Variants in MYO1D observed in about 807,000 individuals in gnomAD.
MYO1D encodes the protein unconventional myosin-Id.
In MYO1D, 83 loss-of-function variants were observed where a neutral mutation model predicts 122.0. The ratio of observed to expected loss-of-function variants is 0.68; its 90% CI spans 0.57 to 0.82. The LOEUF (loss-of-function observed/expected upper bound fraction) is 0.82, where lower values mean the gene tolerates loss of function less well. Among genes scored for constraint, MYO1D ranks in the 40% least tolerant of loss-of-function variants. The pLI is 0.00. For synonymous variants in MYO1D, 464 were observed against 446.9 expected (o/e 1.04, Z -0.48); for missense variants, 1,157 against 1,269.5 (o/e 0.91, Z 1.35).
intron 1 of MYO1D, among the ~76,000 whole-genome samples, chr17:32,833,748 C>T (rs978285483): frequency 2.0e-5 from 3 of 152,180 alleles, no homozygotes; most frequent in African/African-American, 7.2e-5. Context: ...ACACACTAGG[C>T]AAGCTCCCAT....
chr17:32,648,616 A>C (rs2088335350), intron 19 of MYO1D, among the ~76,000 whole-genome samples: 1 of 152,184 alleles, frequency 6.6e-6, no homozygotes, highest in African/African-American at 2.4e-5. Context: ...TAAGTTAATT[A>C]CCCATAGCCA....
intron 1 of MYO1D, among the ~76,000 whole-genome samples, chr17:32,874,038 C>G (rs7217103): frequency 0.014 from 2,097 of 152,230 alleles, 43 homozygotes; most frequent in African/African-American, 0.046. Context: ...CTGCTTAATC[C>G]ACCTGGAATG....
At chr17:32,718,224 C>T (rs1392887532) in intron 15 of MYO1D, among the ~76,000 whole-genome samples, 1 of 152,144 alleles carries the variant, frequency 6.6e-6, no homozygotes, top group South Asian at 2.1e-4. Flanking sequence ...AACGTGTATA[C>T]TCATGAAACC....
intron 19 of MYO1D, among the ~76,000 whole-genome samples, chr17:32,641,242 A>G (rs1452171395): frequency 1.0e-5 from 1 of 97,776 alleles, no homozygotes; most frequent in Non-Finnish European, 2.4e-5. Flanking sequence ...AGCTTCATCC[A>G]TGTCCCTACA....
intron 21 of MYO1D, among the ~76,000 whole-genome samples, chr17:32,530,218 A>G (rs1418199463): frequency 6.6e-6 from 1 of 152,210 alleles, no homozygotes; most frequent in Non-Finnish European, 1.5e-5. Context: ...TGGGAAAATC[A>G]CAGAACCTCT....
chr17:32,616,628 C>T (rs2087772791), intron 20 of MYO1D, among the ~76,000 whole-genome samples: 1 of 151,908 alleles, frequency 6.6e-6, no homozygotes, highest in African/African-American at 2.4e-5. Context: ...CTGGTAAGTG[C>T]ATTTTAAGTA....
chr17:32,770,251 T>C (rs942102261), intron 6 of MYO1D, among the ~76,000 whole-genome samples: 1 of 152,174 alleles, frequency 6.6e-6, no homozygotes, highest in African/African-American at 2.4e-5. Context: ...ATTAATAGAA[T>C]TTTTTAAAGA....
intron 1 of MYO1D, among the ~76,000 whole-genome samples, chr17:32,849,758 A>G (rs898436614): frequency 6.6e-6 from 1 of 152,146 alleles, no homozygotes; most frequent in African/African-American, 2.4e-5. Context: ...GCACATGTAT[A>G]CATATGTAAC....
chr17:32,836,798 A>T (rs537861817), intron 1 of MYO1D, among the ~76,000 whole-genome samples: 2 of 152,270 alleles, frequency 1.3e-5, no homozygotes, highest in South Asian at 4.1e-4. Flanking sequence ...TCTCCTGTTT[A>T]TGAACATTTG....
intron 1 of MYO1D, among the ~76,000 whole-genome samples, chr17:32,872,376 C>T (rs2091187820): frequency 6.6e-6 from 1 of 151,924 alleles, no homozygotes; most frequent in Admixed American, 6.6e-5. Flanking sequence ...AGGTTCACGC[C>T]ATTCTCCTGC....
intron 1 of MYO1D, among the ~76,000 whole-genome samples, chr17:32,846,348 T>C (rs547554858): frequency 6.6e-6 from 1 of 152,366 alleles, no homozygotes; most frequent in African/African-American, 2.4e-5. Context: ...GGACTATTAA[T>C]AGTTATAGCT....
chr17:32,779,703 T>A (rs76768751), intron 2 of MYO1D, among the ~76,000 whole-genome samples: 4,152 of 152,270 alleles, frequency 0.027, 136 homozygotes, highest in East Asian at 0.19. Context: ...ATACTGTTTT[T>A]GTGATTTGTT....
At chr17:32,558,540 C>T (rs1453309943) in intron 21 of MYO1D, among the ~76,000 whole-genome samples, 2 of 152,142 alleles carry the variant, frequency 1.3e-5, no homozygotes, top group Non-Finnish European at 2.9e-5. Context: ...TGTCAGATAA[C>T]ACAACCGCTG....
chr17:32,581,867 C>T (rs999763701), intron 21 of MYO1D, among the ~76,000 whole-genome samples: 1 of 151,910 alleles, frequency 6.6e-6, no homozygotes, highest in African/African-American at 2.4e-5. Flanking sequence ...GAGGTTCAAG[C>T]AATTCTCTTG....
rs549534665 is a variant in MYO1D, at chr17:32,635,943, T to G, written c.2709+2779A>C. Among the ~76,000 whole-genome samples the G allele has an allele frequency of 1.5e-3, 221 of 152,314 alleles. 1 individual carries two copies. In the Middle Eastern group the frequency reaches 0.024, roughly 16 times the overall value. ...CCCATAGTTTTTTTCTTTCGTAGAA[T>G]AATTTAAAAAGTATAGAACTGAAGG... On this transcript the variant is annotated intron_variant, in intron 20 of 21. Coordinates refer to ENST00000318217, the MANE Select transcript of MYO1D (RefSeq NM_015194.3).
In MYO1D at chr17:32,745,186, T is replaced by C. The variant is rs779660728; in HGVS notation, c.1613+25A>G. 7 of 1,257,756 alleles carry C rather than the reference T, an allele frequency of 5.6e-6. No homozygotes were observed. The Admixed American group carries it at 9.6e-5, about 17-fold the overall frequency. The allele number at this position is 1,257,756 out of a possible 1,614,324, so 77.9% of individuals were successfully genotyped here. A position where few individuals can be genotyped will look rare whatever the true frequency, so the allele number is the denominator to read the frequency against. The stretch of plus-strand genomic sequence containing the variant: ...ATATGTCAATGAGCTTAATCTAGAG[T>C]TAATTAATAAAATTTCAATCTTACC... On this transcript the variant is annotated intron_variant, in intron 13 of 21. Transcript: ENST00000318217.
intron 21 of MYO1D, among the ~76,000 whole-genome samples, chr17:32,598,538 T>C (rs2087525267): frequency 6.6e-6 from 1 of 152,230 alleles, no homozygotes. Flanking sequence ...TGGTCTGTGC[T>C]TGAGCCATAC....
intron 21 of MYO1D, chr17:32,531,376 A>ATTT (rs1910503241): frequency 6.6e-6 from 1 of 152,150 alleles, no homozygotes; most frequent in Non-Finnish European, 1.5e-5. Context: ...GAAGAAAAGG[A>ATTT]TCTTGATGGT....
chr17:32,606,027 G>A (rs1464600991), intron 20 of MYO1D, among the ~76,000 whole-genome samples: 1 of 152,124 alleles, frequency 6.6e-6, no homozygotes, highest in African/African-American at 2.4e-5. Context: ...TTGAACCCAG[G>A]AGGCAGAGGT....
Sources: allele counts gnomAD v4.1 joint callset (sites outside exome capture counted in the v4.1 genomes callset), GRCh38; gene constraint gnomAD v4.1.1; transcripts MANE v1.5; gene names NCBI Gene and HGNC (gene_info 2026-07-23, HGNC 2026-07-21).